Variants in CCL17 observed in about 807,000 individuals in gnomAD.
CCL17 encodes C-C motif chemokine 17.
Under a neutral mutation model 7.4 loss-of-function variants are expected in CCL17, and 8 were observed. The observed-to-expected ratio is 1.09, with a 90% CI of 0.64 to 1.96. The LOEUF is 1.96. Among genes scored for constraint, CCL17 ranks in the 30% most tolerant of loss-of-function variants. The probability of loss-of-function intolerance (pLI) is 0.00; values close to 1 mark genes in which losing one functional copy is unlikely to be tolerated. For synonymous variants in CCL17, 40 were observed against 46.1 expected (o/e 0.87, Z 0.54); for missense variants, 102 against 113.0 (o/e 0.90, Z 0.44).
At chr16:57,403,488 ATAT>A (rs1297050352), upstream of CCL17, among the ~76,000 whole-genome samples, 2 of 1,318 alleles carry the variant, frequency 1.5e-3, no homozygotes, top group African/African-American at 9.5e-4. Flanking sequence ...TTATATAATA[ATAT>A]ATATATTATA....
upstream of CCL17, among the ~76,000 whole-genome samples, chr16:57,400,004 T>C (rs1902569450): frequency 6.6e-6 from 1 of 151,982 alleles, no homozygotes; most frequent in Admixed American, 6.6e-5. Context: ...CTGAAATCCA[T>C]CTCCCTGATT....
At chr16:57,403,570 AT>A (rs571198562), upstream of CCL17, among the ~76,000 whole-genome samples, 312 of 56,814 alleles carry the variant, frequency 5.5e-3, 12 homozygotes, top group African/African-American at 0.021. Context: ...TATAATATAT[AT>A]TTATAATATA....
At chr16:57,401,912 A>G (rs1789128710), upstream of CCL17, among the ~76,000 whole-genome samples, 1 of 152,032 alleles carries the variant, frequency 6.6e-6, no homozygotes, top group South Asian at 2.1e-4. Flanking sequence ...TCACTCCCCA[A>G]CTTTCCCTCC....
At chr16:57,403,481 TATAATAA>T (rs1902636641), upstream of CCL17, among the ~76,000 whole-genome samples, 2 of 2,074 alleles carry the variant, frequency 9.6e-4, no homozygotes, top group African/African-American at 1.7e-3. Context: ...ATATATATTA[TATAATAA>T]TATATATATT....
At chr16:57,414,984 C>T (rs1188842794) in intron 2 of CCL17, 97 bp from the exon 3 acceptor site, 3 of 769,770 alleles carry the variant, frequency 3.9e-6, no homozygotes, top group Non-Finnish European at 7.1e-6. Flanking sequence ...CACACATGGA[C>T]ACGCACATGC....
chr16:57,402,035 C>G (rs1217170998), upstream of CCL17, among the ~76,000 whole-genome samples: 1 of 152,186 alleles, frequency 6.6e-6, no homozygotes, highest in African/African-American at 2.4e-5. Context: ...AAGGGGGACC[C>G]TATTGTTAGC....
At chr16:57,399,446 CTTAT>C in the CCL17 span, among the ~76,000 whole-genome samples, 1 of 151,984 alleles carries the variant, frequency 6.6e-6, no homozygotes, top group African/African-American at 2.4e-5. Context: ...CTTTTTTTTA[CTTAT>C]TTATTTTTTT....
In CCL17 at chr16:57,415,818, TGAA is replaced by T; in HGVS notation, c.246_248del (p.Lys82del). ...TGTTCGGACCCCAACAACAAGAGAG[TGAA>T]GAATGCAGTTAAATACCTGCAAAGC... On this transcript the variant is annotated inframe_deletion, in exon 4 of 4. Transcript: ENST00000219244. The surrounding 1 kb of genome is among the most constrained non-coding windows in gnomAD (Gnocchi z 4.5). The T allele has an allele frequency of 6.2e-7, 1 of 1,613,194 alleles. No homozygotes were observed. The highest frequency in any genetic ancestry group is 8.5e-7 in the Non-Finnish European group (1 of 1,179,360).
Position 57,415,945 on chromosome 16 carries a change from G to A in CCL17, c.*84G>A, listed in dbSNP as rs542999826. The A allele has an allele frequency of 4.7e-5, 42 of 890,144 alleles. No individual in the cohort carries two copies. Among genetic ancestry groups the A allele is most frequent in the Admixed American group, 3.2e-4 (17 of 52,468 alleles). The allele number at this position is 890,144 out of a possible 1,614,324, so 55.1% of individuals were successfully genotyped here. On this transcript the variant is annotated 3_prime_UTR_variant, in exon 4 of 4. Transcript: ENST00000219244. The surrounding 1 kb of genome is among the most constrained non-coding windows in gnomAD (Gnocchi z 4.5). ...GGTGTTCACCGCCCCCACCCTGAGCGCCTGGGTCCAGGGGAGGCCTTCCAG... is the reference window on the plus strand; with the variant it reads ...GGTGTTCACCGCCCCCACCCTGAGCACCTGGGTCCAGGGGAGGCCTTCCAG...
At chr16:57,401,325 A>G (rs1902588639), upstream of CCL17, among the ~76,000 whole-genome samples, 1 of 152,020 alleles carries the variant, frequency 6.6e-6, no homozygotes, top group African/African-American at 2.4e-5. Flanking sequence ...GGAGTTTGAG[A>G]CCAGCCTGGC....
intron 1 of CCL17, among the ~76,000 whole-genome samples, chr16:57,405,877 C>CAAA (rs35155439): frequency 0.014 from 1,949 of 140,294 alleles, 52 homozygotes; most frequent in African/African-American, 0.047. Flanking sequence ...ACTAAAAATA[C>CAAA]AAAAAAAAAA....
chr16:57,415,732 T>C lies in CCL17; in HGVS notation c.189-33T>C, dbSNP rs751156852. 5.6e-6 allele frequency: 8 copies of C among 1,434,046 alleles called. No homozygotes were observed. In the South Asian group the frequency reaches 6.8e-5, roughly 12 times the overall value. 88.8% of individuals were successfully genotyped at this position (1,434,046 alleles called of 1,614,324 possible). ...GGGACTCTGGGGGCCCTTCCCCCCC[T>C]GCCACTCCTGGTAACGTCCTCCTTC... is the stretch of plus-strand genomic sequence containing the variant. On this transcript the variant is annotated intron_variant, in intron 3 of 3. Coordinates refer to ENST00000219244, the MANE Select transcript of CCL17 (RefSeq NM_002987.3). This position sits in a 1 kb window ranked among gnomAD's most constrained non-coding sequence, Gnocchi z 4.5.
chr16:57,411,141 C>T (rs1376378022), intron 1 of CCL17, among the ~76,000 whole-genome samples: 2 of 152,234 alleles, frequency 1.3e-5, no homozygotes, highest in Non-Finnish European at 2.9e-5. Flanking sequence ...TTCAGGCAGC[C>T]TTCCACGAAT....
upstream of CCL17, among the ~76,000 whole-genome samples, chr16:57,403,699 C>G (rs1902654885): frequency 8.3e-6 from 1 of 120,226 alleles, no homozygotes; most frequent in African/African-American, 3.3e-5. Context: ...CTCTGTTGCC[C>G]AGGCTGGAGT....
intron 2 of CCL17, 83 bp downstream of exon 2, chr16:57,414,085 C>T (rs920248400): frequency 9.4e-6 from 10 of 1,060,712 alleles, no homozygotes; most frequent in African/African-American, 3.1e-5. Flanking sequence ...GCAATACACA[C>T]GTTTGTGTAT....
At position 57,415,685 on chromosome 16, in the gene CCL17, C is replaced by G. The variant is rs761543686; in HGVS notation, c.189-80C>G. The G allele has an allele frequency of 3.4e-6, 3 of 873,566 alleles. No homozygotes were observed. The highest frequency in any genetic ancestry group is 5.8e-6 in the Non-Finnish European group (3 of 515,710). The allele number at this position is 873,566 out of a possible 1,614,324, so 54.1% of individuals were successfully genotyped here. A position where few individuals can be genotyped will look rare whatever the true frequency, so the allele number is the denominator to read the frequency against. ...CCTCTTGGAGCCTTGGAATCCTGGT[C>G]AGCACAGGGCGGGCCGTCCCAGGGA... On this transcript the variant is annotated intron_variant, in intron 3 of 3. Transcript: ENST00000219244. This position sits in a 1 kb window ranked among gnomAD's most constrained non-coding sequence, Gnocchi z 4.5.
rs188369593 is a variant in CCL17 at position 57,412,835 on chromosome 16, G to T, written c.-59-1039G>T. Among the ~76,000 whole-genome samples, 380 of 152,320 alleles carry T rather than the reference G, an allele frequency of 2.5e-3. 2 individuals are homozygous for T. The highest frequency in any genetic ancestry group is 5.2e-3 in the Admixed American group (79 of 15,306). Reference sequence around the variant, plus strand: ...ACAGGGCGACCGGCAATTTCCTCGGGTGGCCAGGGGACTGACCCGCATGCA... The same window carrying T: ...ACAGGGCGACCGGCAATTTCCTCGGTTGGCCAGGGGACTGACCCGCATGCA... On this transcript the variant is annotated intron_variant, in intron 1 of 3. Coordinates refer to ENST00000219244, the MANE Select transcript of CCL17 (RefSeq NM_002987.3).
intron 1 of CCL17, among the ~76,000 whole-genome samples, chr16:57,406,090 T>C (rs984019237): frequency 4.0e-5 from 6 of 150,908 alleles, no homozygotes; most frequent in Non-Finnish European, 8.8e-5. Context: ...CTGGGGTAGA[T>C]GATGTCAGGG....
At chr16:57,403,172 C>A (rs1232672287), upstream of CCL17, among the ~76,000 whole-genome samples, 1 of 64,044 alleles carries the variant, frequency 1.6e-5, no homozygotes, top group Non-Finnish European at 2.7e-5. Flanking sequence ...ATATTATTAT[C>A]TATAATATAT....
Sources: gnomAD v4.1 joint callset for allele counts (sites outside exome capture counted in the v4.1 genomes callset) on GRCh38, gnomAD v4.1.1 for gene constraint, Gnocchi (gnomAD v3.1) non-coding constraint, MANE v1.5 for transcripts, NCBI Gene and HGNC (gene_info 2026-07-23, HGNC 2026-07-21) for gene names.